FOCAD: variants seen among roughly 807,000 people sequenced by gnomAD.
The protein encoded by FOCAD is focadhesin, also known as KIAA1797.
Under a neutral mutation model 225.6 loss-of-function variants are expected in FOCAD, and 198 were observed. That is an observed-to-expected ratio of 0.88 (90% CI 0.78 to 0.99). The LOEUF is 0.99. FOCAD is among the 50% of genes least tolerant of loss of function. FOCAD has a pLI of 0.00. For synonymous variants in FOCAD, 897 were observed against 755.0 expected (o/e 1.19, Z -3.08); for missense variants, 2,713 against 2,123.6 (o/e 1.28, Z -5.46).
intron 5 of FOCAD, among the ~76,000 whole-genome samples, chr9:20,742,582 C>T (rs953855347): frequency 2.6e-5 from 4 of 152,136 alleles, no homozygotes; most frequent in Admixed American, 6.6e-5. Flanking sequence ...AGATTTTCTA[C>T]GTAATTTATA....
intron 11 of FOCAD, among the ~76,000 whole-genome samples, chr9:20,793,177 G>T (rs1177384611): frequency 6.6e-6 from 1 of 152,072 alleles, no homozygotes; most frequent in Non-Finnish European, 1.5e-5. Flanking sequence ...CTATTCCCTG[G>T]TAACCATAGC....
chr9:20,823,729 T>C (rs1305077203), intron 15 of FOCAD, among the ~76,000 whole-genome samples: 2 of 152,100 alleles, frequency 1.3e-5, no homozygotes, highest in Non-Finnish European at 2.9e-5. Flanking sequence ...AGTGAACATA[T>C]ATACCCAATT....
intron 23 of FOCAD, among the ~76,000 whole-genome samples, chr9:20,914,131 G>C (rs1220924593): frequency 6.6e-6 from 1 of 151,616 alleles, no homozygotes; most frequent in Non-Finnish European, 1.5e-5. Context: ...AGTTAAACCT[G>C]CAGTAACTAA....
At chr9:20,866,650 G>A (rs1829285904) in intron 17 of FOCAD, among the ~76,000 whole-genome samples, 1 of 151,816 alleles carries the variant, frequency 6.6e-6, no homozygotes, top group African/African-American at 2.4e-5. Flanking sequence ...ATTTTTTCCA[G>A]TTGTTCTTAC....
chr9:20,701,261 T>C (rs1476009423), intron 1 of FOCAD, among the ~76,000 whole-genome samples: 1 of 152,218 alleles, frequency 6.6e-6, no homozygotes, highest in East Asian at 1.9e-4. Flanking sequence ...ATCTTCCTGC[T>C]TCTGGACATT....
intron 24 of FOCAD, among the ~76,000 whole-genome samples, chr9:20,920,631 C>G (rs1455943741): frequency 1.3e-5 from 2 of 148,262 alleles, no homozygotes; most frequent in Non-Finnish European, 3.0e-5. Flanking sequence ...TACTATGCAG[C>G]CATAAAAAAG....
At chr9:20,744,483 T>C (rs1027845408) in intron 5 of FOCAD, among the ~76,000 whole-genome samples, 1 of 152,218 alleles carries the variant, frequency 6.6e-6, no homozygotes, top group African/African-American at 2.4e-5. Flanking sequence ...GTTACCTTTG[T>C]AACTGGAAGC....
At chr9:20,675,643 G>C (rs947886435) in intron 2 of FOCAD, among the ~76,000 whole-genome samples, 1 of 152,124 alleles carries the variant, frequency 6.6e-6, no homozygotes, top group Non-Finnish European at 1.5e-5. Flanking sequence ...TTCTTTGTTG[G>C]CCAAGCAAAG....
chr9:20,675,057 T>C (rs1822192794), intron 2 of FOCAD, among the ~76,000 whole-genome samples: 2 of 152,234 alleles, frequency 1.3e-5, no homozygotes, highest in South Asian at 4.1e-4. Flanking sequence ...GACTTCTTCC[T>C]TGTAAGACCC....
intron 28 of FOCAD, among the ~76,000 whole-genome samples, chr9:20,938,601 G>A (rs1052885157): frequency 6.6e-6 from 1 of 151,720 alleles, no homozygotes; most frequent in East Asian, 1.9e-4. Context: ...AGTGGGGAGG[G>A]ATAGCATTAG....
rs183749410 is a variant in FOCAD, at chr9:20,990,914, G to C, written c.5256+540G>C. 3.3e-5 allele frequency among the ~76,000 whole-genome samples: 5 copies of C among 152,204 alleles called. No homozygotes were observed. In the East Asian group the frequency reaches 9.6e-4, roughly 29 times the overall value. On this transcript the variant is annotated intron_variant, in intron 42 of 43. Coordinates refer to ENST00000338382, the MANE Select transcript of FOCAD (RefSeq NM_001375567.1). ...TGCACAGATATGCTCCAGGCACCCAGTGTGCCCTGGTCTGTGCTAGATGCC... is the reference window on the plus strand; with the variant it reads ...TGCACAGATATGCTCCAGGCACCCACTGTGCCCTGGTCTGTGCTAGATGCC...
chr9:20,659,933 A>G (rs1447375263), intron 2 of FOCAD, among the ~76,000 whole-genome samples: 2 of 152,190 alleles, frequency 1.3e-5, no homozygotes, highest in African/African-American at 4.8e-5. Context: ...TAATGGAGAG[A>G]GAGTGGATAA....
At chr9:20,838,092 G>T (rs1006372324) in intron 15 of FOCAD, among the ~76,000 whole-genome samples, 1 of 152,062 alleles carries the variant, frequency 6.6e-6, no homozygotes, top group Non-Finnish European at 1.5e-5. Flanking sequence ...ACAATGCAAT[G>T]TATACCTTTT....
chr9:20,874,767 T>C lies in FOCAD; in HGVS notation c.2277T>C (p.Tyr759=). The C allele has an allele frequency of 6.2e-7, 1 of 1,613,746 alleles. No individual in the cohort carries two copies. Among genetic ancestry groups the C allele is most frequent in the African/African-American group, 1.3e-5 (1 of 75,028 alleles). Residue 759 remains tyrosine, a synonymous_variant, in exon 19 of 44, where the codon TAT becomes TAC. Transcript: ENST00000338382. The part of the protein sequence containing the change: ...DVDLSVPGSC[Y]LKLLSLTPPL... ...ATCTTTCAGTTCCTGGCTCTTGCTATCTCAAACTGTTGTCACTCACTCCCC... is the reference window on the plus strand; with the variant it reads ...ATCTTTCAGTTCCTGGCTCTTGCTACCTCAAACTGTTGTCACTCACTCCCC...
At chr9:20,693,230 G>A (rs1823083513) in intron 1 of FOCAD, among the ~76,000 whole-genome samples, 1 of 152,158 alleles carries the variant, frequency 6.6e-6, no homozygotes, top group African/African-American at 2.4e-5. Flanking sequence ...TCTGAGGCAT[G>A]CTTTCACCAT....
In FOCAD at chr9:20,789,497, C is replaced by T. The variant is rs746890768; in HGVS notation, c.1344C>T (p.Ile448=). The T allele has an allele frequency of 1.1e-5, 17 of 1,613,850 alleles. No individual in the cohort carries two copies. The highest frequency in any genetic ancestry group is 3.3e-4 in the Middle Eastern group (2 of 6,084). Residue 448 remains isoleucine, a synonymous_variant, in exon 11 of 44, where the codon ATC becomes ATT. Transcript: ENST00000338382. The stretch of plus-strand genomic sequence containing the variant: ...CATTGCTTCCTATTACTGCTGTGAT[C>T]CCTGCGCCTGCCTTTCTTCTGCTGG... ...VESLLPITAV[I]PAPAFLLLAH...
chr9:20,899,483 G>C (rs953620737), intron 21 of FOCAD, among the ~76,000 whole-genome samples: 3 of 151,934 alleles, frequency 2.0e-5, no homozygotes, highest in African/African-American at 7.2e-5. Flanking sequence ...TTTGAGAGTA[G>C]CACTTTGCTC....
In FOCAD at chr9:20,814,945, A is replaced by G. The variant is rs1036879614; in HGVS notation, c.1456-4851A>G. Among the ~76,000 whole-genome samples, 7 of 152,046 alleles carry G rather than the reference A, an allele frequency of 4.6e-5. 2 individuals carry two copies. The highest frequency in any genetic ancestry group is 4.6e-4 in the Admixed American group (7 of 15,254). On this transcript the variant is annotated intron_variant, in intron 11 of 43. Transcript: ENST00000338382. ...TCACGCACCACTGTTACAATATTAT[A>G]GGATTCTTTGTTTAGGTATTACCAG...
At chr9:20,818,310 T>G (rs1401812004) in intron 11 of FOCAD, among the ~76,000 whole-genome samples, 2 of 152,158 alleles carry the variant, frequency 1.3e-5, no homozygotes, top group Non-Finnish European at 2.9e-5. Flanking sequence ...AAATATTCTT[T>G]CCCATTCTGT....
Sources: allele counts gnomAD v4.1 joint callset (sites outside exome capture counted in the v4.1 genomes callset), GRCh38; gene constraint gnomAD v4.1.1; transcripts MANE v1.5; gene names NCBI Gene and HGNC (gene_info 2026-07-23, HGNC 2026-07-21).